Variants in SLC24A2 observed in about 807,000 individuals in gnomAD.
SLC24A2 encodes sodium/potassium/calcium exchanger 2.
A neutral mutation model predicts 62.0 loss-of-function variants in SLC24A2; 36 were observed. The observed-to-expected ratio is 0.58, with a 90% CI of 0.44 to 0.77. The LOEUF is 0.77. SLC24A2 is among the 30% of genes least tolerant of loss of function. SLC24A2 has a pLI of 0.00. For missense variants in SLC24A2, 846 were observed against 817.9 expected (o/e 1.03, Z -0.42); for synonymous variants, 358 against 294.0 (o/e 1.22, Z -2.23).
chr9:20,255,007 A>T, the SLC24A2 span, among the ~76,000 whole-genome samples: 21 of 152,236 alleles, frequency 1.4e-4, no homozygotes, highest in African/African-American at 4.8e-4. Flanking sequence ...CCCATGATTC[A>T]ATTACCTCCT....
the SLC24A2 span, among the ~76,000 whole-genome samples, chr9:20,171,336 G>C: frequency 0.011 from 1,606 of 151,788 alleles, 30 homozygotes; most frequent in African/African-American, 0.037. Context: ...GCAACAAATA[G>C]CATGATGAAT....
chr9:19,905,740 C>A, the SLC24A2 span, among the ~76,000 whole-genome samples: 1 of 152,140 alleles, frequency 6.6e-6, no homozygotes, highest in Admixed American at 6.6e-5. Context: ...AGAGAAAAAT[C>A]TTTTCCTCTG....
At chr9:19,695,299 C>T (rs1228430487) in intron 2 of SLC24A2, among the ~76,000 whole-genome samples, 1 of 152,104 alleles carries the variant, frequency 6.6e-6, no homozygotes. Flanking sequence ...ACAGTTCACA[C>T]CTGTCCCATG....
At chr9:20,162,855 C>G in the SLC24A2 span, among the ~76,000 whole-genome samples, 1,671 of 152,064 alleles carry the variant, frequency 0.011, 39 homozygotes, top group African/African-American at 0.038. Context: ...TAATCCAGCA[C>G]ATAATCAGCA....
At chr9:19,525,062 G>A (rs908051619) in intron 9 of SLC24A2, among the ~76,000 whole-genome samples, 2 of 152,168 alleles carry the variant, frequency 1.3e-5, no homozygotes, top group Non-Finnish European at 2.9e-5. Flanking sequence ...CTTCTGCTGT[G>A]ATTTCTGCCA....
At chr9:20,106,199 A>G in the SLC24A2 span, among the ~76,000 whole-genome samples, 1 of 152,230 alleles carries the variant, frequency 6.6e-6, no homozygotes, top group Non-Finnish European at 1.5e-5. Context: ...AATTGTGGCA[A>G]TAATCAATAG....
intron 2 of SLC24A2, among the ~76,000 whole-genome samples, chr9:19,728,762 G>A (rs934355134): frequency 2.6e-5 from 4 of 152,202 alleles, no homozygotes; most frequent in African/African-American, 9.7e-5. Flanking sequence ...TGTATAGCCA[G>A]AGACTCAAAT....
chr9:20,118,871 G>A, the SLC24A2 span, among the ~76,000 whole-genome samples: 1 of 152,076 alleles, frequency 6.6e-6, no homozygotes, highest in Non-Finnish European at 1.5e-5. Context: ...GATGGGTACT[G>A]TGACTTGCTT....
intron 2 of SLC24A2, among the ~76,000 whole-genome samples, chr9:19,684,615 T>A (rs1819824426): frequency 6.6e-6 from 1 of 152,028 alleles, no homozygotes; most frequent in Non-Finnish European, 1.5e-5. Context: ...GGTAGTGAGT[T>A]TCATCTAGAC....
the SLC24A2 span, among the ~76,000 whole-genome samples, chr9:19,991,539 A>G: frequency 1.8e-4 from 28 of 152,168 alleles, no homozygotes; most frequent in Non-Finnish European, 3.2e-4. Context: ...CAAGTTGACA[A>G]TATTAACCAT....
At chr9:19,975,917 T>C in the SLC24A2 span, among the ~76,000 whole-genome samples, 1 of 152,220 alleles carries the variant, frequency 6.6e-6, no homozygotes, top group East Asian at 1.9e-4. Context: ...TGTTTGTTTG[T>C]TTTTTTGAGA....
At chr9:19,578,219 C>T (rs980827887) in intron 5 of SLC24A2, among the ~76,000 whole-genome samples, 1 of 151,952 alleles carries the variant, frequency 6.6e-6, no homozygotes, top group Admixed American at 6.6e-5. Context: ...CACCTGTACC[C>T]CAATAACTTA....
intron 2 of SLC24A2, among the ~76,000 whole-genome samples, chr9:19,780,872 C>CAAAA (rs373405657): frequency 7.2e-4 from 26 of 35,986 alleles, no homozygotes; most frequent in Admixed American, 1.1e-3. Context: ...GACTCCGTCT[C>CAAAA]AAAAAAAAAA....
the SLC24A2 span, among the ~76,000 whole-genome samples, chr9:20,004,991 C>T: frequency 9.9e-5 from 15 of 152,228 alleles, no homozygotes; most frequent in Middle Eastern, 3.4e-3. Context: ...TTGCTCCAGT[C>T]TATTGGTTAT....
intron 10 of SLC24A2, among the ~76,000 whole-genome samples, chr9:19,520,311 C>G (rs991530316): frequency 2.0e-5 from 3 of 151,942 alleles, no homozygotes; most frequent in Non-Finnish European, 4.4e-5. Flanking sequence ...TCTCCCCAGT[C>G]TGATTCACTT....
At chr9:20,169,704 C>G in the SLC24A2 span, among the ~76,000 whole-genome samples, 1 of 140,904 alleles carries the variant, frequency 7.1e-6, no homozygotes, top group Non-Finnish European at 1.5e-5. Context: ...CTAAACCTTC[C>G]CAGACATAGC....
At chr9:19,683,027 C>A (rs890377859) in intron 2 of SLC24A2, among the ~76,000 whole-genome samples, 3 of 151,996 alleles carry the variant, frequency 2.0e-5, no homozygotes, top group African/African-American at 7.2e-5. Flanking sequence ...AGGGACCCAC[C>A]GTGAAAAATC....
chr9:20,044,669 C>A, the SLC24A2 span, among the ~76,000 whole-genome samples: 1 of 151,956 alleles, frequency 6.6e-6, no homozygotes, highest in Non-Finnish European at 1.5e-5. Flanking sequence ...TAAAAGAAAA[C>A]TGATGTGGAG....
the SLC24A2 span, among the ~76,000 whole-genome samples, chr9:20,108,109 C>T: frequency 3.5e-4 from 53 of 152,310 alleles, no homozygotes; most frequent in South Asian, 5.0e-3. Context: ...TGCTCACCAT[C>T]GCTGGCCATC....
Sources: allele counts gnomAD v4.1 joint callset (sites outside exome capture counted in the v4.1 genomes callset), GRCh38; gene constraint gnomAD v4.1.1; transcripts MANE v1.5; gene names NCBI Gene and HGNC (gene_info 2026-07-23, HGNC 2026-07-21).